Variants in GPHN observed in about 807,000 individuals in gnomAD.
The protein encoded by GPHN is gephyrin.
In GPHN, 17 loss-of-function variants were observed where a neutral mutation model predicts 95.5. The observed-to-expected ratio is 0.18, with a 90% CI of 0.12 to 0.27. GPHN has a LOEUF of 0.27. GPHN is among the 10% of genes least tolerant of loss of function. GPHN has a pLI of 1.00. For missense variants in GPHN, 660 were observed against 978.1 expected, an observed-to-expected ratio of 0.67 and a Z score of 4.34; for synonymous variants, 320 against 322.5, an observed-to-expected ratio of 0.99 and a Z score of 0.08.
chr14:67,286,008 G>C, the GPHN span, among the ~76,000 whole-genome samples: 1 of 152,236 alleles, frequency 6.6e-6, no homozygotes, highest in Non-Finnish European at 1.5e-5. Context: ...AAATATTAGA[G>C]AAGATGGGAG....
chr14:66,919,916 A>T lies in GPHN; in HGVS notation c.457-2750A>T, dbSNP rs200234097. On this transcript the variant is annotated intron_variant, in intron 6 of 22. Coordinates refer to ENST00000478722, the MANE Select transcript of GPHN (RefSeq NM_020806.5). ...CCCATCTCTACTAAAAATAAAAAAA[A>T]ACTAGCCAGGCGTGGTGGCAGGCAC... 2.6e-5 allele frequency among the ~76,000 whole-genome samples: 4 copies of T among 152,190 alleles called. No homozygotes were observed. In the East Asian group the frequency reaches 7.8e-4, roughly 30 times the overall value.
chr14:67,648,150 G>A, the GPHN span: 4 of 1,614,020 alleles, frequency 2.5e-6, no homozygotes, highest in South Asian at 4.4e-5. Context: ...CTATCGAGAA[G>A]GCATGTATAT....
At chr14:67,349,109 AG>A in the GPHN span, 1 of 1,613,418 alleles carries the variant, frequency 6.2e-7, no homozygotes, top group African/African-American at 1.3e-5. Context: ...GTAGTGCTGC[AG>A]AAAAAGAGAA....
At chr14:67,403,345 C>G in the GPHN span, among the ~76,000 whole-genome samples, 1 of 152,130 alleles carries the variant, frequency 6.6e-6, no homozygotes, top group Non-Finnish European at 1.5e-5. Context: ...TGTTCTGATA[C>G]CCAGACTCAG....
chr14:67,489,073 G>C, the GPHN span, among the ~76,000 whole-genome samples: 1 of 152,150 alleles, frequency 6.6e-6, no homozygotes, highest in Non-Finnish European at 1.5e-5. Flanking sequence ...CTGAACCAGA[G>C]TTTCTTGGAA....
the GPHN span, among the ~76,000 whole-genome samples, chr14:67,446,328 C>A: frequency 6.6e-6 from 1 of 152,288 alleles, no homozygotes; most frequent in South Asian, 2.1e-4. Flanking sequence ...GTTAGGAGAT[C>A]AGTAAATAGC....
At chr14:66,914,315 A>G (rs116950253) in intron 5 of GPHN, among the ~76,000 whole-genome samples, 2,155 of 152,238 alleles carry the variant, frequency 0.014, 56 homozygotes, top group Admixed American at 0.057. Flanking sequence ...CTTCTAATGG[A>G]GGGAGTTACA....
the GPHN span, among the ~76,000 whole-genome samples, chr14:67,560,313 C>T: frequency 6.6e-6 from 1 of 152,190 alleles, no homozygotes; most frequent in East Asian, 1.9e-4. Flanking sequence ...AGGAGGGAAC[C>T]ACCGTGCCCT....
rs1479934021 is a variant in GPHN at position 66,510,110 on chromosome 14, C to T, written c.64+1519C>T. ...AGGTGCGCTGTTCTCTTCTTTTGGT[C>T]CTGAAACTGTTTGGGTATGTGAAGA... On this transcript the variant is annotated intron_variant, in intron 1 of 22. Transcript: ENST00000478722. Among the ~76,000 whole-genome samples, 8 of 152,256 alleles carry T rather than the reference C, an allele frequency of 5.3e-5. 1 individual carries two copies. The highest frequency in any genetic ancestry group is 5.2e-4 in the Admixed American group (8 of 15,296).
intron 4 of GPHN, among the ~76,000 whole-genome samples, chr14:66,869,719 A>G (rs1051102547): frequency 2.6e-5 from 4 of 152,214 alleles, no homozygotes; most frequent in African/African-American, 9.6e-5. Flanking sequence ...TGGAAAGTAG[A>G]AGCATAGAAA....
chr14:66,589,837 G>A lies in GPHN; in HGVS notation c.64+81246G>A, dbSNP rs181246279. Among the ~76,000 whole-genome samples the A allele has an allele frequency of 3.9e-3, 597 of 152,240 alleles. 1 individual carries two copies. The highest frequency in any genetic ancestry group is 6.4e-3 in the Non-Finnish European group (433 of 68,006). On this transcript the variant is annotated intron_variant, in intron 1 of 22. Transcript: ENST00000478722. Reference sequence around the variant, plus strand: ...AGCTCTGGACCAAGCGGACCTAATAGACATCTACAGAACTCTCCACCCGAA... The same window carrying A: ...AGCTCTGGACCAAGCGGACCTAATAAACATCTACAGAACTCTCCACCCGAA...
intron 5 of GPHN, among the ~76,000 whole-genome samples, chr14:66,902,412 G>A (rs943753334): frequency 6.6e-6 from 1 of 151,882 alleles, no homozygotes; most frequent in Admixed American, 6.6e-5. Context: ...TTGAAAAAAA[G>A]TAGTGACAGT....
the GPHN span, among the ~76,000 whole-genome samples, chr14:67,331,949 A>T: frequency 1.3e-5 from 2 of 152,236 alleles, no homozygotes; most frequent in Non-Finnish European, 2.9e-5. Flanking sequence ...GTCATGCAAG[A>T]AACTGCCTCA....
At chr14:67,078,221 T>C (rs2076568664) in intron 11 of GPHN, among the ~76,000 whole-genome samples, 1 of 152,112 alleles carries the variant, frequency 6.6e-6, no homozygotes, top group African/African-American at 2.4e-5. Flanking sequence ...AGCAAGCATA[T>C]TAGTTATATT....
chr14:66,532,567 G>A (rs1298475646), intron 1 of GPHN, among the ~76,000 whole-genome samples: 1 of 152,160 alleles, frequency 6.6e-6, no homozygotes, highest in African/African-American at 2.4e-5. Flanking sequence ...GGTTAATTGA[G>A]GATATTCAAA....
At chr14:67,266,191 T>C in the GPHN span, among the ~76,000 whole-genome samples, 1 of 152,140 alleles carries the variant, frequency 6.6e-6, no homozygotes, top group Non-Finnish European at 1.5e-5. Context: ...GAAATATATA[T>C]TTATTTAAAA....
At chr14:66,747,292 T>TA (rs2058189953) in intron 2 of GPHN, among the ~76,000 whole-genome samples, 1 of 152,140 alleles carries the variant, frequency 6.6e-6, no homozygotes, top group African/African-American at 2.4e-5. Flanking sequence ...GTATTGTTGA[T>TA]ACAATTGTCA....
chr14:66,754,094 GTTTA>G (rs1003669705), intron 2 of GPHN, among the ~76,000 whole-genome samples: 10 of 151,744 alleles, frequency 6.6e-5, no homozygotes, highest in Admixed American at 3.3e-4. Context: ...ATCACATTTT[GTTTA>G]TTTATTCATC....
the GPHN span, among the ~76,000 whole-genome samples, chr14:67,257,214 G>C: frequency 6.6e-6 from 1 of 152,124 alleles, no homozygotes; most frequent in Non-Finnish European, 1.5e-5. Context: ...CTGGCCCAGT[G>C]AATCTGCATT....
Sources: allele counts gnomAD v4.1 joint callset (sites outside exome capture counted in the v4.1 genomes callset), GRCh38; gene constraint gnomAD v4.1.1; transcripts MANE v1.5; gene names NCBI Gene and HGNC (gene_info 2026-07-23, HGNC 2026-07-21).